Variants in RSPH1 observed in about 807,000 individuals in gnomAD.
RSPH1 encodes radial spoke head component 1.
RSPH1 carries 32 observed loss-of-function variants against 44.2 expected under a neutral mutation model. That is an observed-to-expected ratio of 0.72 (90% CI 0.55 to 0.97). The LOEUF (loss-of-function observed/expected upper bound fraction) is 0.97, where lower values mean the gene tolerates loss of function less well. RSPH1 is among the 50% of genes least tolerant of loss of function. The pLI is 0.00. For synonymous variants in RSPH1, 134 were observed against 147.3 expected (o/e 0.91, Z 0.65); for missense variants, 391 against 398.7 (o/e 0.98, Z 0.16).
intron 4 of RSPH1, 141 bp from the exon 5 acceptor site, chr21:42,485,945 T>A (rs1022083801): frequency 4.4e-5 from 46 of 1,055,850 alleles, no homozygotes; most frequent in Admixed American, 4.2e-4. Flanking sequence ...CTGTGTCCAG[T>A]CAGAAGGTGC....
chr21:42,477,441 T>G lies in RSPH1; in HGVS notation c.577A>C (p.Arg193=), dbSNP rs2054079670. 1 of 1,613,920 alleles carries G rather than the reference T, an allele frequency of 6.2e-7. No individual in the cohort carries two copies. Among genetic ancestry groups the G allele is most frequent in the African/African-American group, 1.3e-5 (1 of 75,062 alleles). Residue 193 remains arginine, a synonymous_variant, in exon 7 of 9, where the codon AGA becomes CGA. Coordinates refer to ENST00000291536, the MANE Select transcript of RSPH1 (RefSeq NM_080860.4). ...TCTTCCTCCTCTTCCTCTTCTCCTC[T>G]TTCCTATTTTAAGTGCAAAAATGTA... ...HGEYRLTDME[R]GEEEEEEELV... is the part of the protein sequence containing the mutation.
rs576764099 is a variant in RSPH1, at chr21:42,491,579, T to C, written c.274+1179A>G. On this transcript the variant is annotated intron_variant, in intron 3 of 8. Coordinates refer to ENST00000291536, the MANE Select transcript of RSPH1 (RefSeq NM_080860.4). ...AAGCCCCAAATTAAATTGTTTAAAGTTGATTTAAAAAGCAGATGGTGCTTC... is the reference window on the plus strand; with the variant it reads ...AAGCCCCAAATTAAATTGTTTAAAGCTGATTTAAAAAGCAGATGGTGCTTC... Among the ~76,000 whole-genome samples, 20 of 152,320 alleles carry C rather than the reference T, an allele frequency of 1.3e-4. No homozygotes were observed. In the South Asian group the frequency reaches 4.1e-3, roughly 32 times the overall value.
intron 5 of RSPH1, among the ~76,000 whole-genome samples, chr21:42,483,989 G>GGT (rs140033070): frequency 0.33 from 49,682 of 150,688 alleles, 9,452 homozygotes; most frequent in Admixed American, 0.53. Context: ...TTGCTTCATT[G>GGT]GTGTGTGTGT....
intron 5 of RSPH1, among the ~76,000 whole-genome samples, chr21:42,483,714 GT>G (rs1490705357): frequency 4.6e-5 from 7 of 151,694 alleles, no homozygotes; most frequent in African/African-American, 1.5e-4. Context: ...TTCTATTTCT[GT>G]TTAGAAAGTT....
intron 6 of RSPH1, among the ~76,000 whole-genome samples, chr21:42,478,052 A>G (rs570564433): frequency 1.3e-5 from 2 of 152,394 alleles, no homozygotes; most frequent in African/African-American, 4.8e-5. Context: ...CAAGGAAAGC[A>G]GAATGAGAGT....
At chr21:42,484,166 A>G (rs923879786) in intron 5 of RSPH1, among the ~76,000 whole-genome samples, 4 of 152,248 alleles carry the variant, frequency 2.6e-5, no homozygotes, top group Admixed American at 2.6e-4. Context: ...GTACACATTA[A>G]AACAATGAGA....
chr21:42,493,325 A>G (rs2054255654), intron 1 of RSPH1, among the ~76,000 whole-genome samples: 1 of 152,190 alleles, frequency 6.6e-6, no homozygotes, highest in Non-Finnish European at 1.5e-5. Flanking sequence ...CCTCCCTCCA[A>G]CACAGAGCTT....
intron 8 of RSPH1, among the ~76,000 whole-genome samples, chr21:42,473,201 G>A (rs1046564860): frequency 2.0e-5 from 3 of 152,188 alleles, no homozygotes; most frequent in Non-Finnish European, 4.4e-5. Context: ...TAATTTAAAA[G>A]AAAAGCAGGC....
chr21:42,478,916 A>G (rs1007317300), intron 6 of RSPH1, among the ~76,000 whole-genome samples: 1 of 152,240 alleles, frequency 6.6e-6, no homozygotes, highest in Non-Finnish European at 1.5e-5. Context: ...CATCTAGAAT[A>G]GGCAAATTCA....
At chr21:42,475,075 C>T (rs2146639348) in intron 8 of RSPH1, among the ~76,000 whole-genome samples, 1 of 152,296 alleles carries the variant, frequency 6.6e-6, no homozygotes, top group African/African-American at 2.4e-5. Context: ...GGAAGCGAGT[C>T]CTCTCTCCAG....
chr21:42,492,900 GA>G, intron 2 of RSPH1, 37 bp from the exon 3 acceptor site: 4 of 1,579,782 alleles, frequency 2.5e-6, no homozygotes, highest in Non-Finnish European at 3.5e-6. Context: ...TATCATTGCT[GA>G]ATGTAGCATT....
chr21:42,478,258 T>A (rs2054091298), intron 6 of RSPH1, among the ~76,000 whole-genome samples: 1 of 152,262 alleles, frequency 6.6e-6, no homozygotes, highest in African/African-American at 2.4e-5. Flanking sequence ...ATAATACCGA[T>A]GACAGAGAGG....
At chr21:42,480,086 A>G (rs1200927610) in intron 6 of RSPH1, among the ~76,000 whole-genome samples, 1 of 152,202 alleles carries the variant, frequency 6.6e-6, no homozygotes. Context: ...ATGAGCAACC[A>G]TGGGCTGTTT....
Position 42,490,060 on chromosome 21 carries a change from C to T in RSPH1, c.274+2698G>A, listed in dbSNP as rs2054221122. 2.0e-5 allele frequency among the ~76,000 whole-genome samples: 3 copies of T among 152,134 alleles called. No individual in the cohort carries two copies. The South Asian group carries it at 6.2e-4, about 31-fold the overall frequency. On this transcript the variant is annotated intron_variant, in intron 3 of 8. Coordinates refer to ENST00000291536, the MANE Select transcript of RSPH1 (RefSeq NM_080860.4). ...TCAGAGTCCTCAGTTGGCCCTACAC[C>T]CCCAACCCTCAGCATCAGTACATGG... is the stretch of plus-strand genomic sequence containing the variant.
intron 6 of RSPH1, among the ~76,000 whole-genome samples, chr21:42,481,071 C>A (rs977594575): frequency 6.6e-6 from 1 of 152,070 alleles, no homozygotes; most frequent in Non-Finnish European, 1.5e-5. Flanking sequence ...ATGTGACCCC[C>A]GGGGTTGGAG....
At chr21:42,485,919 G>A (rs900230539) in intron 4 of RSPH1, 115 bp from the exon 5 acceptor site, 35 of 1,296,508 alleles carry the variant, frequency 2.7e-5, no homozygotes, top group African/African-American at 5.8e-5. Context: ...GCTCACAAGC[G>A]ATGTAGCTTC....
At chr21:42,496,047 TGC>T (rs2054284712) in intron 1 of RSPH1, 84 bp downstream of exon 1, 4 of 1,494,712 alleles carry the variant, frequency 2.7e-6, no homozygotes, top group Admixed American at 3.4e-5. Flanking sequence ...CTCTGGTTTC[TGC>T]GCCTCCTCAC....
At chr21:42,475,661 C>T (rs752934878) in intron 8 of RSPH1, among the ~76,000 whole-genome samples, 7 of 142,830 alleles carry the variant, frequency 4.9e-5, no homozygotes, top group Non-Finnish European at 7.6e-5. Flanking sequence ...TGTGACAACG[C>T]GCATGGGCAC....
intron 1 of RSPH1, among the ~76,000 whole-genome samples, chr21:42,493,545 C>T (rs1360609669): frequency 6.6e-6 from 1 of 152,210 alleles, no homozygotes; most frequent in Non-Finnish European, 1.5e-5. Flanking sequence ...GCAACTCTTC[C>T]CTCAAATGAT....
Sources: gnomAD v4.1 joint callset for allele counts (sites outside exome capture counted in the v4.1 genomes callset) on GRCh38, gnomAD v4.1.1 for gene constraint, MANE v1.5 for transcripts, NCBI Gene and HGNC (gene_info 2026-07-23, HGNC 2026-07-21) for gene names.